TMEM63C: variants seen among roughly 807,000 people sequenced by gnomAD.
TMEM63C encodes the protein transmembrane protein 63C, also known as osmosensitive cation channel TMEM63C.
TMEM63C carries 32 observed loss-of-function variants against 99.2 expected under a neutral mutation model. That is an observed-to-expected ratio of 0.32 (90% CI 0.24 to 0.43). The LOEUF is 0.43. Ranked by LOEUF, TMEM63C falls within the 20% of genes least tolerant of loss-of-function variation. The pLI is 1.00. For synonymous variants in TMEM63C, 376 were observed against 397.9 expected (o/e 0.94, Z 0.66); for missense variants, 826 against 1,053.0 (o/e 0.78, Z 2.98).
intron 1 of TMEM63C, among the ~76,000 whole-genome samples, chr14:77,192,266 C>A (rs1274540904): frequency 2.0e-5 from 3 of 152,180 alleles, no homozygotes; most frequent in Non-Finnish European, 4.4e-5. Flanking sequence ...ATTTAATCCT[C>A]ACAATAACTC....
intron 8 of TMEM63C, 59 bp downstream of exon 8, chr14:77,233,559 G>A: frequency 6.4e-7 from 1 of 1,570,280 alleles, no homozygotes; most frequent in Non-Finnish European, 8.7e-7. Context: ...GTGGAGAGGA[G>A]GTCTAACATG....
chr14:77,222,092 G>GCTAAT (rs1888733685), intron 5 of TMEM63C, among the ~76,000 whole-genome samples: 1 of 152,076 alleles, frequency 6.6e-6, no homozygotes, highest in Non-Finnish European at 1.5e-5. Context: ...CCTGTCTCCA[G>GCTAAT]CTAATCCTCT....
chr14:77,204,195 C>A (rs1888356707), intron 1 of TMEM63C, among the ~76,000 whole-genome samples: 1 of 152,240 alleles, frequency 6.6e-6, no homozygotes, highest in Non-Finnish European at 1.5e-5. Flanking sequence ...CAGCTTCACC[C>A]AGTTGTGGTG....
chr14:77,191,150 G>C (rs975487458), intron 1 of TMEM63C, among the ~76,000 whole-genome samples: 10 of 152,176 alleles, frequency 6.6e-5, no homozygotes, highest in African/African-American at 2.4e-4. Context: ...CCAGTACTAA[G>C]TCTAACCAGA....
intron 20 of TMEM63C, 139 bp downstream of exon 20, chr14:77,249,011 G>A (rs1159440718): frequency 5.3e-5 from 46 of 864,820 alleles, no homozygotes; most frequent in Non-Finnish European, 7.6e-6. Context: ...GCCAAGCTGG[G>A]GGTACAGGGC....
chr14:77,189,969 AG>A (rs1160741943), intron 1 of TMEM63C, among the ~76,000 whole-genome samples: 2 of 152,212 alleles, frequency 1.3e-5, no homozygotes, highest in Non-Finnish European at 2.9e-5. Context: ...CATAGTAAAT[AG>A]GGTCCTGGGG....
At chr14:77,200,448 G>A (rs1888280925) in intron 1 of TMEM63C, among the ~76,000 whole-genome samples, 1 of 152,234 alleles carries the variant, frequency 6.6e-6, no homozygotes, top group Non-Finnish European at 1.5e-5. Flanking sequence ...GGGATTCTCA[G>A]GTCCCTCATG....
intron 2 of TMEM63C, among the ~76,000 whole-genome samples, chr14:77,214,956 G>T (rs1888555118): frequency 6.6e-6 from 1 of 151,936 alleles, no homozygotes; most frequent in Non-Finnish European, 1.5e-5. Context: ...TTCTCTCCTG[G>T]CTCAAATTCC....
intron 1 of TMEM63C, among the ~76,000 whole-genome samples, chr14:77,188,714 A>G (rs1888048219): frequency 6.6e-6 from 1 of 151,972 alleles, no homozygotes; most frequent in Non-Finnish European, 1.5e-5. Flanking sequence ...CTAAGAAAAA[A>G]AAATAGCCAA....
chr14:77,202,059 C>A (rs1047358330), intron 1 of TMEM63C, among the ~76,000 whole-genome samples: 3 of 152,224 alleles, frequency 2.0e-5, no homozygotes, highest in Non-Finnish European at 4.4e-5. Context: ...GCAGCAGGGG[C>A]CCCAGGGCAG....
Position 77,201,669 on chromosome 14 carries a change from C to A in TMEM63C, c.-76-11777C>A, listed in dbSNP as rs367956160. Among the ~76,000 whole-genome samples the A allele has an allele frequency of 3.3e-5, 5 of 152,258 alleles. No individual in the cohort carries two copies. The East Asian group carries it at 9.6e-4, about 29-fold the overall frequency. On this transcript the variant is annotated intron_variant, in intron 1 of 23. Coordinates refer to ENST00000298351, the MANE Select transcript of TMEM63C (RefSeq NM_020431.4). Reference sequence around the variant, plus strand: ...CAGGGCCCAGCGATCTGTGATGTAACAAGCCCTGCTGCTGATTGTGACCCA... The same window carrying A: ...CAGGGCCCAGCGATCTGTGATGTAAAAAGCCCTGCTGCTGATTGTGACCCA...
chr14:77,225,825 T>A (rs1290115152), intron 6 of TMEM63C, among the ~76,000 whole-genome samples: 1 of 152,062 alleles, frequency 6.6e-6, no homozygotes, highest in Non-Finnish European at 1.5e-5. Flanking sequence ...ACATATCATG[T>A]GTTCGCCCTT....
At position 77,225,478 on chromosome 14, in the gene TMEM63C, T is replaced by C. The variant is rs773054263; in HGVS notation, c.350+17T>C. 2.8e-5 allele frequency: 45 copies of C among 1,612,090 alleles called. No homozygotes were observed. The highest frequency in any genetic ancestry group is 3.7e-5 in the Non-Finnish European group (44 of 1,179,118). On this transcript the variant is annotated intron_variant, in intron 6 of 23. Coordinates refer to ENST00000298351, the MANE Select transcript of TMEM63C (RefSeq NM_020431.4). ...AACAATGAAGTAAGTGCCCGGGCTC[T>C]GTGAGCTTGTGACCGTGTTGCCTTG...
intron 21 of TMEM63C, among the ~76,000 whole-genome samples, chr14:77,249,923 C>T (rs754861207): frequency 1.3e-5 from 2 of 152,194 alleles, no homozygotes; most frequent in Non-Finnish European, 2.9e-5. Flanking sequence ...CAGCTTTGAC[C>T]TCCTGGTCTC....
rs1029259137 is a variant in TMEM63C at position 77,255,648 on chromosome 14, G to T, written c.2221-878G>T. Among the ~76,000 whole-genome samples the T allele has an allele frequency of 8.5e-5, 13 of 152,336 alleles. 1 individual carries two copies. Among genetic ancestry groups the T allele is most frequent in the Admixed American group, 7.8e-4 (12 of 15,304 alleles). Reference sequence around the variant, plus strand: ...AACATGGGGCTAGAACACATTACAGGTAGTGCTGCAATTTACACTCAGAGA... The same window carrying T: ...AACATGGGGCTAGAACACATTACAGTTAGTGCTGCAATTTACACTCAGAGA... On this transcript the variant is annotated intron_variant, in intron 23 of 23. Transcript: ENST00000298351.
chr14:77,248,606 AG>A (rs1220021897), intron 19 of TMEM63C, 97 bp downstream of exon 19: 1 of 1,524,182 alleles, frequency 6.6e-7, no homozygotes, highest in East Asian at 2.4e-5. Flanking sequence ...TTGAGGTGGG[AG>A]GGACGGTGTG....
intron 3 of TMEM63C, 47 bp downstream of exon 3, chr14:77,219,010 G>A: frequency 6.8e-7 from 1 of 1,472,144 alleles, no homozygotes; most frequent in Non-Finnish European, 9.0e-7. Context: ...CCTCAGACAG[G>A]GTCGAACTTT....
chr14:77,226,853 C>T lies in TMEM63C; in HGVS notation c.350+1392C>T, dbSNP rs565324839. Among the ~76,000 whole-genome samples, 391 of 151,824 alleles carry T rather than the reference C, an allele frequency of 2.6e-3. 2 individuals carry two copies. Among genetic ancestry groups the T allele is most frequent in the Non-Finnish European group, 4.4e-3 (297 of 67,960 alleles). ...CACAATCTCAGCTCACTGCAACCTC[C>T]GCCTCCTGGGTTCAAGCAATTCTCC... On this transcript the variant is annotated intron_variant, in intron 6 of 23. Transcript: ENST00000298351.
At chr14:77,239,830 G>T (rs545580106) in intron 12 of TMEM63C, 104 bp downstream of exon 12, 7 of 1,447,668 alleles carry the variant, frequency 4.8e-6, no homozygotes, top group African/African-American at 1.4e-5. Context: ...CCTCACTCAG[G>T]TCTGCTCTAG....
Sources: allele counts gnomAD v4.1 joint callset (sites outside exome capture counted in the v4.1 genomes callset), GRCh38; gene constraint gnomAD v4.1.1; transcripts MANE v1.5; gene names NCBI Gene and HGNC (gene_info 2026-07-23, HGNC 2026-07-21).